DISC1: variants seen among roughly 807,000 people sequenced by gnomAD.
The protein encoded by DISC1 is DISC1 scaffold protein, also known as disrupted in schizophrenia 1 protein.
DISC1 carries 57 observed loss-of-function variants against 84.5 expected under a neutral mutation model. The ratio of observed to expected loss-of-function variants is 0.67; its 90% CI spans 0.55 to 0.84. DISC1 has a LOEUF of 0.84. Ranked by LOEUF, DISC1 falls within the 40% of genes least tolerant of loss-of-function variation. The pLI, the probability that DISC1 is intolerant of heterozygous loss-of-function variation, is 0.00. For synonymous variants in DISC1, 411 were observed against 415.2 expected (o/e 0.99, Z 0.12); for missense variants, 1,000 against 1,057.8 (o/e 0.95, Z 0.76).
chr1:231,985,024 C>T (rs551542262), intron 10 of DISC1, among the ~76,000 whole-genome samples: 1 of 152,102 alleles, frequency 6.6e-6, no homozygotes, highest in South Asian at 2.1e-4. Context: ...TCTGTCTATA[C>T]AAGAAAATAA....
chr1:231,926,718 C>T (rs1408998561), intron 9 of DISC1, among the ~76,000 whole-genome samples: 1 of 152,160 alleles, frequency 6.6e-6, no homozygotes, highest in African/African-American at 2.4e-5. Flanking sequence ...AAGACAAGCT[C>T]AGGGAACAAA....
intron 9 of DISC1, among the ~76,000 whole-genome samples, chr1:231,870,508 G>A (rs1458790232): frequency 6.6e-6 from 1 of 152,220 alleles, no homozygotes; most frequent in Non-Finnish European, 1.5e-5. Flanking sequence ...GGCCCGAGCT[G>A]TCTGTTGGTG....
At chr1:231,934,953 G>T (rs947221531) in intron 9 of DISC1, among the ~76,000 whole-genome samples, 1 of 152,214 alleles carries the variant, frequency 6.6e-6, no homozygotes, top group African/African-American at 2.4e-5. Context: ...GCTCTTGTTT[G>T]AACACGCTGC....
rs76175896 is a variant in DISC1 at position 231,694,006 on chromosome 1, C to T, written c.248C>T (p.Ala83Val). 1.2e-3 allele frequency: 2,016 copies of T among 1,614,110 alleles called. 3 individuals carry two copies. The highest frequency in any genetic ancestry group is 1.2e-3 in the Non-Finnish European group (1,450 of 1,179,994). Residue 83 changes from alanine (A) to valine (V), a missense_variant, in exon 2 of 13, where the codon GCC becomes GTC. Ala to Val is a moderately conservative substitution (Grantham distance 64). Coordinates refer to ENST00000439617, the MANE Select transcript of DISC1 (RefSeq NM_018662.3). ...GAGTCCCACCACTCGGAGTCCAGGG[C>T]CAGACAGTGTGGCCTTGACTCGAGA... The part of the protein sequence containing the change: ...GEESHHSESR[A>V]RQCGLDSRGL...
At chr1:231,653,926 A>G (rs1216065598) in intron 1 of DISC1, among the ~76,000 whole-genome samples, 1 of 152,232 alleles carries the variant, frequency 6.6e-6, no homozygotes, top group African/African-American at 2.4e-5. Flanking sequence ...AGAACAGAGT[A>G]AAGAGCGGGC....
intron 9 of DISC1, among the ~76,000 whole-genome samples, chr1:231,862,950 A>G (rs2084778179): frequency 6.6e-6 from 1 of 152,160 alleles, no homozygotes; most frequent in African/African-American, 2.4e-5. Flanking sequence ...TGTAAGTAAA[A>G]AATGCCCACA....
At chr1:231,902,273 AT>A (rs959155810) in intron 9 of DISC1, among the ~76,000 whole-genome samples, 3 of 152,094 alleles carry the variant, frequency 2.0e-5, no homozygotes, top group African/African-American at 7.2e-5. Context: ...TATGACAATT[AT>A]TTGTTTTTGT....
chr1:231,929,420 A>G (rs2090524470), intron 9 of DISC1, among the ~76,000 whole-genome samples: 1 of 152,204 alleles, frequency 6.6e-6, no homozygotes, highest in Non-Finnish European at 1.5e-5. Flanking sequence ...AAAGGAATGT[A>G]TTTTTAACCC....
intron 9 of DISC1, among the ~76,000 whole-genome samples, chr1:231,868,148 G>A (rs2085191543): frequency 6.6e-6 from 1 of 152,192 alleles, no homozygotes; most frequent in Admixed American, 6.5e-5. Context: ...GCATGTGGCT[G>A]GCATTCTCAG....
chr1:231,808,185 C>G (rs191426662), intron 8 of DISC1, among the ~76,000 whole-genome samples: 1 of 152,326 alleles, frequency 6.6e-6, no homozygotes, highest in African/African-American at 2.4e-5. Context: ...CGGTCAGAAT[C>G]TCTAGGGATT....
chr1:231,821,376 A>G (rs1420693288), intron 9 of DISC1, among the ~76,000 whole-genome samples: 1 of 152,142 alleles, frequency 6.6e-6, no homozygotes, highest in African/African-American at 2.4e-5. Context: ...ATAGAAAAGG[A>G]ACTGAAATAT....
At chr1:231,955,733 G>T (rs370004020) in intron 9 of DISC1, among the ~76,000 whole-genome samples, 2 of 151,838 alleles carry the variant, frequency 1.3e-5, no homozygotes, top group African/African-American at 4.8e-5. Flanking sequence ...CAGGTGATCC[G>T]CCCACCTCAG....
intron 1 of DISC1, among the ~76,000 whole-genome samples, chr1:231,657,699 G>GAGAGA (rs2061226704): frequency 6.6e-6 from 1 of 152,148 alleles, no homozygotes; most frequent in Non-Finnish European, 1.5e-5. Flanking sequence ...TTCTGCATAT[G>GAGAGA]GCTAGCCAGC....
chr1:231,824,019 G>A (rs940772616), intron 9 of DISC1, among the ~76,000 whole-genome samples: 3 of 152,072 alleles, frequency 2.0e-5, no homozygotes, highest in Non-Finnish European at 2.9e-5. Context: ...GTTTAAATAC[G>A]GCATCTTCCA....
At position 231,964,211 on chromosome 1, in the gene DISC1, A is replaced by G. The variant is rs564314712; in HGVS notation, c.2042+5323A>G. ...GTGCTGGATGGTACAGGGGTTCCCA[A>G]TAAACATGTATTGAATGAATGATTG... On this transcript the variant is annotated intron_variant, in intron 10 of 12. Transcript: ENST00000439617. Among the ~76,000 whole-genome samples the G allele has an allele frequency of 6.6e-5, 10 of 152,318 alleles. No individual in the cohort carries two copies. In the East Asian group the frequency reaches 1.7e-3, roughly 26 times the overall value.
chr1:231,733,880 T>C (rs767957735), intron 3 of DISC1, among the ~76,000 whole-genome samples: 1 of 148,226 alleles, frequency 6.7e-6, no homozygotes, highest in East Asian at 2.0e-4. Context: ...ACAGTTGTGA[T>C]GGTTGGGGGG....
chr1:231,833,151 G>A (rs1402611583), intron 9 of DISC1, among the ~76,000 whole-genome samples: 1 of 150,558 alleles, frequency 6.6e-6, no homozygotes, highest in Non-Finnish European at 1.5e-5. Context: ...AGTCAGGGAA[G>A]CAGATAATTT....
At chr1:231,690,261 G>A (rs2064831273) in intron 1 of DISC1, among the ~76,000 whole-genome samples, 1 of 152,264 alleles carries the variant, frequency 6.6e-6, no homozygotes, top group South Asian at 2.1e-4. Flanking sequence ...AGGCATCAGC[G>A]CTTCCCTCTA....
chr1:231,683,413 G>T (rs897747161), intron 1 of DISC1, among the ~76,000 whole-genome samples: 14 of 146,604 alleles, frequency 9.5e-5, no homozygotes, highest in African/African-American at 3.6e-4. Context: ...ATTTTTAAAA[G>T]ATACCACCAT....
Sources: gnomAD v4.1 joint callset for allele counts (sites outside exome capture counted in the v4.1 genomes callset) on GRCh38, gnomAD v4.1.1 for gene constraint, MANE v1.5 for transcripts, NCBI Gene and HGNC (gene_info 2026-07-23, HGNC 2026-07-21) for gene names.